The following TUT4 variants were observed in gnomAD, a reference collection of about 807,000 sequenced individuals.
TUT4 encodes the protein terminal uridylyl transferase 4, also known as terminal uridylyltransferase 4.
In TUT4, 36 loss-of-function variants were observed where a neutral mutation model predicts 192.2. The observed-to-expected ratio is 0.19, with a 90% CI of 0.14 to 0.25. The LOEUF is 0.25. Among genes scored for constraint, TUT4 ranks in the 10% least tolerant of loss-of-function variants. The pLI, the probability that TUT4 is intolerant of heterozygous loss-of-function variation, is 1.00. For synonymous variants in TUT4, 618 were observed against 666.0 expected (o/e 0.93, Z 1.11); for missense variants, 1,493 against 1,957.2 (o/e 0.76, Z 4.47).
intron 8 of TUT4, among the ~76,000 whole-genome samples, chr1:52,490,158 T>TC (rs1402590473): frequency 2.7e-5 from 4 of 150,346 alleles, no homozygotes; most frequent in African/African-American, 9.8e-5. Flanking sequence ...GGCTTTTTTT[T>TC]TTTTTTTTTT....
chr1:52,500,219 G>A (rs1459941877), intron 4 of TUT4, among the ~76,000 whole-genome samples: 3 of 152,046 alleles, frequency 2.0e-5, no homozygotes, highest in Admixed American at 6.5e-5. Flanking sequence ...GGAAAGGACA[G>A]TTTTTTCAAC....
intron 12 of TUT4, among the ~76,000 whole-genome samples, chr1:52,476,211 T>C (rs1419919740): frequency 6.6e-6 from 1 of 152,064 alleles, no homozygotes; most frequent in Non-Finnish European, 1.5e-5. Flanking sequence ...CTTAAAACTC[T>C]CAAGGCTTCA....
Position 52,493,593 on chromosome 1 carries a change from AAAAG to A in TUT4, c.1318+14_1318+17del. 1 of 1,442,112 alleles carries A rather than the reference AAAAG, an allele frequency of 6.9e-7. No homozygotes were observed. Among genetic ancestry groups the A allele is most frequent in the Non-Finnish European group, 9.5e-7 (1 of 1,055,568 alleles). 89.3% of individuals were successfully genotyped at this position (1,442,112 alleles called of 1,614,324 possible). On this transcript the variant is annotated intron_variant, in intron 7 of 29. Transcript: ENST00000257177. Reference sequence around the variant, plus strand: ...CAAATTAAAAAAAAAAAAGAAAAGAAAAAGAAAAGAAACTCACCATTTTTCTTTA... The same window carrying A: ...CAAATTAAAAAAAAAAAAGAAAAGAAAAAAGAAACTCACCATTTTTCTTTA...
chr1:52,498,640 A>G (rs140917757), intron 4 of TUT4, among the ~76,000 whole-genome samples: 97 of 151,586 alleles, frequency 6.4e-4, no homozygotes, highest in African/African-American at 2.1e-3. Flanking sequence ...TAATCCCAAC[A>G]CTTTGGGAGG....
chr1:52,428,624 TA>T (rs772389695), intron 28 of TUT4, among the ~76,000 whole-genome samples: 1,477 of 72,896 alleles, frequency 0.02, 14 homozygotes, highest in African/African-American at 0.039. Context: ...AGACTCCCTC[TA>T]AAAAAAAAAA....
At chr1:52,516,528 A>G (rs1290612900) in intron 2 of TUT4, among the ~76,000 whole-genome samples, 1 of 152,194 alleles carries the variant, frequency 6.6e-6, no homozygotes, top group South Asian at 2.1e-4. Context: ...GAACTCCTGG[A>G]TATCTCCACT....
At chr1:52,478,351 C>G (rs753963466) in intron 11 of TUT4, among the ~76,000 whole-genome samples, 6 of 152,086 alleles carry the variant, frequency 3.9e-5, no homozygotes, top group Non-Finnish European at 5.9e-5. Context: ...CCCTGGCTTT[C>G]AAAAAAACTA....
At chr1:52,446,930 A>C (rs929986123) in intron 20 of TUT4, among the ~76,000 whole-genome samples, 1 of 152,218 alleles carries the variant, frequency 6.6e-6, no homozygotes, top group African/African-American at 2.4e-5. Context: ...ACCTATCAAA[A>C]CATATCCAGT....
chr1:52,516,654 C>G (rs936939927), intron 2 of TUT4, among the ~76,000 whole-genome samples: 3 of 152,192 alleles, frequency 2.0e-5, no homozygotes, highest in African/African-American at 7.2e-5. Flanking sequence ...ATCTAACCTA[C>G]AGTAGGTTCT....
chr1:52,490,868 T>C, intron 7 of TUT4, 67 bp from the exon 8 acceptor site: 2 of 1,236,286 alleles, frequency 1.6e-6, no homozygotes, highest in Non-Finnish European at 2.3e-6. Context: ...CAGTAAACAT[T>C]AAGTAACAGT....
chr1:52,489,451 A>G (rs558902460), intron 8 of TUT4, among the ~76,000 whole-genome samples: 1 of 152,344 alleles, frequency 6.6e-6, no homozygotes, highest in South Asian at 2.1e-4. Flanking sequence ...GCAAAAAATG[A>G]ATACTTAACT....
chr1:52,519,618 T>C (rs1679685175), intron 2 of TUT4, among the ~76,000 whole-genome samples: 1 of 151,932 alleles, frequency 6.6e-6, no homozygotes, highest in Non-Finnish European at 1.5e-5. Flanking sequence ...CAAGCGATTC[T>C]CCTGCCTCAG....
At chr1:52,485,698 TTAATA>T (rs1411670308) in intron 9 of TUT4, among the ~76,000 whole-genome samples, 8 of 152,114 alleles carry the variant, frequency 5.3e-5, no homozygotes, top group Admixed American at 4.6e-4. Context: ...GCTTCATGTG[TTAATA>T]TAATAAATTA....
intron 1 of TUT4, among the ~76,000 whole-genome samples, chr1:52,539,779 C>T (rs1195525731): frequency 4.6e-5 from 7 of 151,588 alleles, no homozygotes; most frequent in Admixed American, 2.6e-4. Context: ...TGGTGGCTCA[C>T]GTCTATAATC....
intron 13 of TUT4, among the ~76,000 whole-genome samples, chr1:52,473,569 C>T (rs1570685826): frequency 6.6e-6 from 1 of 152,202 alleles, no homozygotes; most frequent in Admixed American, 6.5e-5. Flanking sequence ...TTTTTAAATG[C>T]TAGCCATACC....
intron 1 of TUT4, among the ~76,000 whole-genome samples, chr1:52,539,504 G>A (rs891092152): frequency 2.0e-5 from 3 of 152,148 alleles, no homozygotes; most frequent in Non-Finnish European, 4.4e-5. Flanking sequence ...TGAGGAAACA[G>A]GTATGGGGGG....
chr1:52,468,464 C>G (rs1664829311), intron 14 of TUT4, 197 bp from the exon 15 acceptor site: 1 of 482,574 alleles, frequency 2.1e-6, no homozygotes, highest in East Asian at 3.6e-5. Context: ...TCTGTTTTAG[C>G]AACCCAGGGG....
chr1:52,526,488 TAAA>T (rs11309315), intron 1 of TUT4, 115 bp from the exon 2 acceptor site: 95 of 229,122 alleles, frequency 4.1e-4, no homozygotes, highest in East Asian at 7.1e-4. Context: ...AAGAAATTGT[TAAA>T]AAAAAAAAAA....
At chr1:52,481,740 A>G in intron 10 of TUT4, 64 bp downstream of exon 10, 8 of 1,547,096 alleles carry the variant, frequency 5.2e-6, no homozygotes, top group Non-Finnish European at 6.9e-6. Flanking sequence ...ATGTTTGAGC[A>G]GAGTTCTCTG....
Sources: allele counts gnomAD v4.1 joint callset (sites outside exome capture counted in the v4.1 genomes callset), GRCh38; gene constraint gnomAD v4.1.1; transcripts MANE v1.5; gene names NCBI Gene and HGNC (gene_info 2026-07-23, HGNC 2026-07-21).